TIAM1: variants seen among roughly 807,000 people sequenced by gnomAD.
The protein encoded by TIAM1 is TIAM Rac1 associated GEF 1.
TIAM1 carries 65 observed loss-of-function variants against 163.5 expected under a neutral mutation model. The observed-to-expected ratio is 0.40, with a 90% CI of 0.33 to 0.49. TIAM1 has a LOEUF of 0.49. TIAM1 is among the 20% of genes least tolerant of loss of function. The pLI is 0.77. For missense variants in TIAM1, 1,789 were observed against 2,044.7 expected, an observed-to-expected ratio of 0.87 and a Z score of 2.41; for synonymous variants, 833 against 810.1, an observed-to-expected ratio of 1.03 and a Z score of -0.48.
chr21:31,279,506 G>C (rs983680903), intron 2 of TIAM1, among the ~76,000 whole-genome samples: 9 of 152,224 alleles, frequency 5.9e-5, no homozygotes, highest in Non-Finnish European at 1.2e-4. Context: ...TCAGTGTTGG[G>C]AGTCCAAGCT....
At chr21:31,265,887 G>T in intron 4 of TIAM1, 123 bp downstream of exon 4, 1 of 1,344,872 alleles carries the variant, frequency 7.4e-7, no homozygotes, top group Non-Finnish European at 1.0e-6. Context: ...ACCAGCTGCA[G>T]CAACTACCAG....
At chr21:31,464,718 C>T (rs2045459569) in intron 1 of TIAM1, among the ~76,000 whole-genome samples, 3 of 151,986 alleles carry the variant, frequency 2.0e-5, no homozygotes, top group Non-Finnish European at 2.9e-5. Flanking sequence ...GGGCATGCAC[C>T]TGTAATCCCA....
At chr21:31,154,884 G>A (rs971572052) in intron 16 of TIAM1, among the ~76,000 whole-genome samples, 8 of 152,196 alleles carry the variant, frequency 5.3e-5, no homozygotes, top group African/African-American at 1.7e-4. Flanking sequence ...TTAATTATCA[G>A]ACTCCCAGTT....
At chr21:31,281,365 G>C (rs2073558714) in intron 2 of TIAM1, among the ~76,000 whole-genome samples, 1 of 152,020 alleles carries the variant, frequency 6.6e-6, no homozygotes, top group South Asian at 2.1e-4. Context: ...TTTTCTTATA[G>C]GAAAGAAATT....
chr21:31,445,221 C>G (rs75942307), intron 2 of TIAM1, among the ~76,000 whole-genome samples: 3,294 of 152,174 alleles, frequency 0.022, 136 homozygotes, highest in African/African-American at 0.076. Context: ...CACACGGAAA[C>G]TCCAAGGCCT....
At chr21:31,478,024 C>T (rs1047035067) in intron 1 of TIAM1, among the ~76,000 whole-genome samples, 1 of 152,140 alleles carries the variant, frequency 6.6e-6, no homozygotes, top group African/African-American at 2.4e-5. Flanking sequence ...GCAGTGCATG[C>T]GCACAGGTGA....
rs781492782 is a variant in TIAM1 at position 31,223,595 on chromosome 21, T to C, written c.1810-4A>G. Reference sequence around the variant, plus strand: ...GATTTTGCTCCCAGACAAAGATCTATGGTAGTGAAAACACGGGAAAAGAAA... The same window carrying C: ...GATTTTGCTCCCAGACAAAGATCTACGGTAGTGAAAACACGGGAAAAGAAA... On this transcript the variant is annotated splice_polypyrimidine_tract_variant and splice_region_variant and intron_variant, in intron 7 of 27. Coordinates refer to ENST00000541036, the MANE Select transcript of TIAM1 (RefSeq NM_001353694.2). 24 of 1,584,072 alleles carry C rather than the reference T, an allele frequency of 1.5e-5. 1 individual carries two copies. The Admixed American group carries it at 1.8e-4, about 12-fold the overall frequency.
At chr21:31,556,511 G>C (rs1311448345) in intron 1 of TIAM1, among the ~76,000 whole-genome samples, 1 of 151,654 alleles carries the variant, frequency 6.6e-6, no homozygotes, top group East Asian at 2.0e-4. Context: ...TATTCCAACA[G>C]GCAAAAGGGT....
At chr21:31,217,502 G>A in intron 9 of TIAM1, 51 bp downstream of exon 9, 1 of 1,578,418 alleles carries the variant, frequency 6.3e-7, no homozygotes, top group Non-Finnish European at 8.6e-7. Context: ...AATTGAGGTG[G>A]CCACAGAAGT....
intron 15 of TIAM1, among the ~76,000 whole-genome samples, chr21:31,167,362 C>A (rs1248229558): frequency 1.3e-5 from 2 of 152,150 alleles, no homozygotes; most frequent in African/African-American, 4.8e-5. Context: ...GGATTACAGG[C>A]ATGAGCCACA....
Position 31,141,904 on chromosome 21 carries a change from C to A in TIAM1, c.3476-400G>T, listed in dbSNP as rs1434978132. 6.6e-6 allele frequency among the ~76,000 whole-genome samples: 1 copy of A among 152,104 alleles called. No individual in the cohort carries two copies. The highest frequency in any genetic ancestry group is 6.5e-5 in the Admixed American group (1 of 15,278). On this transcript the variant is annotated intron_variant, in intron 20 of 27. Coordinates refer to ENST00000541036, the MANE Select transcript of TIAM1 (RefSeq NM_001353694.2). The surrounding 1 kb of genome is among the most constrained non-coding windows in gnomAD (Gnocchi z 4.7). ...GTTCCTGGAGATAGTAAAAGACTTGCCAGGAAATGTGCCTTTTATAGAGTC... is the reference window on the plus strand; with the variant it reads ...GTTCCTGGAGATAGTAAAAGACTTGACAGGAAATGTGCCTTTTATAGAGTC...
chr21:31,194,084 A>G (rs1184128822), intron 13 of TIAM1, among the ~76,000 whole-genome samples: 1 of 151,630 alleles, frequency 6.6e-6, no homozygotes, highest in Non-Finnish European at 1.5e-5. Flanking sequence ...CGGAAGACCC[A>G]CTCGGGCACC....
At position 31,171,839 on chromosome 21, in the gene TIAM1, CAAGCT is replaced by C. The variant is rs567843357; in HGVS notation, c.2888-6779_2888-6775del. On this transcript the variant is annotated intron_variant, in intron 15 of 27. Coordinates refer to ENST00000541036, the MANE Select transcript of TIAM1 (RefSeq NM_001353694.2). ...CTGAGCCCACCATACAAAGAAATCT[CAAGCT>C]AACCTCCCATGAGAGACCCCAAGGA... Among the ~76,000 whole-genome samples, 125 of 152,290 alleles carry C rather than the reference CAAGCT, an allele frequency of 8.2e-4. 3 individuals carry two copies. In the South Asian group the frequency reaches 0.022, roughly 27 times the overall value.
At chr21:31,506,010 CAAAAA>C (rs141958932) in intron 1 of TIAM1, among the ~76,000 whole-genome samples, 2 of 84,176 alleles carry the variant, frequency 2.4e-5, no homozygotes, top group Admixed American at 1.5e-4. Flanking sequence ...GACTCTGCCT[CAAAAA>C]AAAAAAAAAA....
chr21:31,298,759 TGTGTGTGTGA>T (rs2074385423), intron 2 of TIAM1, among the ~76,000 whole-genome samples: 2 of 140,734 alleles, frequency 1.4e-5, no homozygotes, highest in African/African-American at 5.7e-5. Flanking sequence ...TGTGTGTGTG[TGTGTGTGTGA>T]GAAACAGAGA....
At chr21:31,464,770 G>A (rs1224775106) in intron 1 of TIAM1, among the ~76,000 whole-genome samples, 1 of 151,612 alleles carries the variant, frequency 6.6e-6, no homozygotes, top group African/African-American at 2.4e-5. Context: ...TTGAACTCGG[G>A]AGGCGGAGAT....
At chr21:31,391,329 G>A (rs138848899) in intron 2 of TIAM1, among the ~76,000 whole-genome samples, 270 of 152,128 alleles carry the variant, frequency 1.8e-3, no homozygotes, top group African/African-American at 6.0e-3. Flanking sequence ...TTTCCAAGTC[G>A]TTATGAAAGT....
Position 31,118,462 on chromosome 21 carries a change from C to A in TIAM1, c.*1906G>T. ...TGTTTGACAAGCATTTACAACGTTC[C>A]ATTCATAGACCTAAAAACATAAAAA... On this transcript the variant is annotated 3_prime_UTR_variant, in exon 28 of 28. Coordinates refer to ENST00000541036, the MANE Select transcript of TIAM1 (RefSeq NM_001353694.2). 2.5e-6 allele frequency: 1 copy of A among 399,680 alleles called. No individual in the cohort carries two copies. 24.8% of individuals were successfully genotyped at this position (399,680 alleles called of 1,614,324 possible). A position where few individuals can be genotyped will look rare whatever the true frequency, so the allele number is the denominator to read the frequency against.
intron 4 of TIAM1, 35 bp from the exon 5 acceptor site, chr21:31,252,224 C>T: frequency 1.3e-6 from 2 of 1,580,174 alleles, no homozygotes; most frequent in South Asian, 1.1e-5. Flanking sequence ...AGAAGACAAG[C>T]GTCACGTGGA....
Sources: gnomAD v4.1 joint callset for allele counts (sites outside exome capture counted in the v4.1 genomes callset) on GRCh38, gnomAD v4.1.1 for gene constraint, Gnocchi (gnomAD v3.1) non-coding constraint, MANE v1.5 for transcripts, NCBI Gene and HGNC (gene_info 2026-07-23, HGNC 2026-07-21) for gene names.